The following SPAG16 variants were observed in gnomAD, a reference collection of about 807,000 sequenced individuals.
SPAG16 encodes sperm associated antigen 16.
In SPAG16, 86 loss-of-function variants were observed where a neutral mutation model predicts 80.4. The observed-to-expected ratio is 1.07, with a 90% CI of 0.90 to 1.28. SPAG16 has a LOEUF of 1.28. Ranked by LOEUF, SPAG16 falls within the 50% of genes most tolerant of loss-of-function variation. The probability of loss-of-function intolerance (pLI) is 0.00; values close to 1 mark genes in which losing one functional copy is unlikely to be tolerated. For synonymous variants in SPAG16, 294 were observed against 265.9 expected, an observed-to-expected ratio of 1.11 and a Z score of -1.03; for missense variants, 870 against 765.3, an observed-to-expected ratio of 1.14 and a Z score of -1.61.
At chr2:214,061,326 G>T (rs1026246423) in intron 13 of SPAG16, among the ~76,000 whole-genome samples, 11 of 152,184 alleles carry the variant, frequency 7.2e-5, no homozygotes, top group Admixed American at 7.2e-4. Flanking sequence ...AGGGCACTAG[G>T]TTAGTACTCA....
intron 11 of SPAG16, among the ~76,000 whole-genome samples, chr2:213,872,244 G>C (rs1375069629): frequency 6.6e-6 from 1 of 152,110 alleles, no homozygotes; most frequent in Non-Finnish European, 1.5e-5. Context: ...AGAGAGACAA[G>C]AGAGAACCAG....
At chr2:213,835,521 C>T (rs919239067) in intron 10 of SPAG16, among the ~76,000 whole-genome samples, 4 of 152,094 alleles carry the variant, frequency 2.6e-5, no homozygotes, top group Non-Finnish European at 4.4e-5. Flanking sequence ...CTCTAGAATC[C>T]ATGCTAACAC....
chr2:214,125,907 C>T lies in SPAG16; in HGVS notation c.1593+17646C>T, dbSNP rs13387946. Among the ~76,000 whole-genome samples the T allele has an allele frequency of 9.6e-3, 1,451 of 151,464 alleles. 33 individuals are homozygous for T. The highest frequency in any genetic ancestry group is 0.033 in the African/African-American group (1,356 of 41,418). On this transcript the variant is annotated intron_variant, in intron 14 of 15. Transcript: ENST00000331683. ...AGATTTAATGAAGAATGGACAATCA[C>T]GTAGAAATGTGATTGGGCAAAAGAA... is the stretch of plus-strand genomic sequence containing the variant.
chr2:213,745,332 T>TC (rs1306152789), intron 10 of SPAG16, among the ~76,000 whole-genome samples: 2 of 152,164 alleles, frequency 1.3e-5, no homozygotes, highest in Non-Finnish European at 2.9e-5. Context: ...AACCTCTGCC[T>TC]CCCGGGTTCA....
At chr2:213,507,800 T>C (rs1476995998) in intron 10 of SPAG16, among the ~76,000 whole-genome samples, 1 of 152,256 alleles carries the variant, frequency 6.6e-6, no homozygotes, top group Non-Finnish European at 1.5e-5. Context: ...TCTGTCTTCT[T>C]AGGTGCTCAC....
intron 15 of SPAG16, among the ~76,000 whole-genome samples, chr2:214,247,035 A>G (rs113746625): frequency 0.023 from 3,520 of 152,248 alleles, 91 homozygotes; most frequent in African/African-American, 0.061. Context: ...AATTACACCA[A>G]GACACAACAC....
chr2:213,681,165 T>C (rs1003330314), intron 10 of SPAG16, among the ~76,000 whole-genome samples: 37 of 152,298 alleles, frequency 2.4e-4, no homozygotes, highest in Middle Eastern at 3.4e-3. Flanking sequence ...GGATTCTCTA[T>C]AGGATGTGGA....
chr2:214,405,405 G>A (rs1232551326), intron 15 of SPAG16, among the ~76,000 whole-genome samples: 5 of 152,132 alleles, frequency 3.3e-5, no homozygotes, highest in South Asian at 2.1e-4. Flanking sequence ...GGGATTATAG[G>A]CATAAACCCA....
At chr2:214,047,951 T>C (rs920142893) in intron 13 of SPAG16, among the ~76,000 whole-genome samples, 6 of 152,140 alleles carry the variant, frequency 3.9e-5, no homozygotes, top group Non-Finnish European at 7.4e-5. Context: ...CTCAGCATCA[T>C]TGATCTTCAC....
intron 13 of SPAG16, among the ~76,000 whole-genome samples, chr2:214,014,971 G>A (rs559628116): frequency 2.2e-4 from 33 of 152,272 alleles, no homozygotes; most frequent in Non-Finnish European, 4.1e-4. Flanking sequence ...GGAGCAAAGG[G>A]AACAGGAATT....
chr2:214,248,413 G>A (rs981635099), intron 15 of SPAG16, among the ~76,000 whole-genome samples: 2 of 151,528 alleles, frequency 1.3e-5, no homozygotes, highest in Non-Finnish European at 2.9e-5. Flanking sequence ...CACTCCCCAG[G>A]TTCAGGCAAT....
At chr2:213,641,536 C>T (rs1410162634) in intron 10 of SPAG16, among the ~76,000 whole-genome samples, 4 of 152,242 alleles carry the variant, frequency 2.6e-5, no homozygotes, top group Non-Finnish European at 5.9e-5. Flanking sequence ...CCTGATTCCA[C>T]TGGCTGCGTT....
intron 12 of SPAG16, among the ~76,000 whole-genome samples, chr2:213,956,005 T>C (rs1394240718): frequency 6.6e-6 from 1 of 152,032 alleles, no homozygotes. Context: ...AGTTTCGCTC[T>C]TGTCTCCCAG....
At chr2:213,616,099 A>G (rs1287160971) in intron 10 of SPAG16, among the ~76,000 whole-genome samples, 1 of 152,214 alleles carries the variant, frequency 6.6e-6, no homozygotes. Flanking sequence ...ACCGATTAGG[A>G]AACTGGAGAT....
At chr2:213,753,427 A>G (rs915507262) in intron 10 of SPAG16, among the ~76,000 whole-genome samples, 2 of 152,202 alleles carry the variant, frequency 1.3e-5, no homozygotes, top group Non-Finnish European at 2.9e-5. Context: ...CAGATTATTT[A>G]TGGTTCTATA....
intron 11 of SPAG16, among the ~76,000 whole-genome samples, chr2:213,873,976 T>C (rs925384603): frequency 2.6e-5 from 4 of 152,192 alleles, no homozygotes; most frequent in Admixed American, 6.6e-5. Context: ...AACAAACTTA[T>C]ATAGTTACTG....
intron 10 of SPAG16, among the ~76,000 whole-genome samples, chr2:213,670,279 A>G (rs1338821677): frequency 6.6e-6 from 1 of 152,070 alleles, no homozygotes; most frequent in African/African-American, 2.4e-5. Context: ...TACAGGCGTG[A>G]GCCACCGCGC....
chr2:213,781,744 T>G (rs541615132), intron 10 of SPAG16, among the ~76,000 whole-genome samples: 1 of 152,300 alleles, frequency 6.6e-6, no homozygotes, highest in South Asian at 2.1e-4. Flanking sequence ...AACTTTGTAT[T>G]TGCAGTTTGG....
chr2:214,221,585 A>C (rs2058569312), intron 15 of SPAG16, among the ~76,000 whole-genome samples: 1 of 152,174 alleles, frequency 6.6e-6, no homozygotes, highest in South Asian at 2.1e-4. Context: ...TAAAAGAGAG[A>C]AACTGCTAAA....
Sources: gnomAD v4.1 joint callset for allele counts (sites outside exome capture counted in the v4.1 genomes callset) on GRCh38, gnomAD v4.1.1 for gene constraint, MANE v1.5 for transcripts, NCBI Gene and HGNC (gene_info 2026-07-23, HGNC 2026-07-21) for gene names.